The following TECR variants were observed in gnomAD, a reference collection of about 807,000 sequenced individuals.
The protein encoded by TECR is trans-2,3-enoyl-CoA reductase.
A neutral mutation model predicts 50.6 loss-of-function variants in TECR; 19 were observed. That is an observed-to-expected ratio of 0.38 (90% CI 0.26 to 0.55). The LOEUF (loss-of-function observed/expected upper bound fraction) is 0.55. Among genes scored for constraint, TECR ranks in the 20% least tolerant of loss-of-function variants. The pLI is 0.79. For missense variants in TECR, 313 were observed against 408.3 expected (o/e 0.77, Z 2.01); for synonymous variants, 168 against 163.5 (o/e 1.03, Z -0.21).
intron 1 of TECR, chr19:14,530,901 A>T (rs1346929498): frequency 6.6e-6 from 1 of 152,212 alleles, no homozygotes; most frequent in African/African-American, 2.4e-5. Context: ...TGCATCTTGG[A>T]AAACAGAAGC....
chr19:14,547,948 G>A (rs1274521160), intron 1 of TECR, among the ~76,000 whole-genome samples: 1 of 147,926 alleles, frequency 6.8e-6, no homozygotes, highest in Non-Finnish European at 1.5e-5. Context: ...CCATGTGTGT[G>A]TTTAATGGGC....
intron 1 of TECR, among the ~76,000 whole-genome samples, chr19:14,554,139 C>T (rs2073637705): frequency 6.6e-6 from 1 of 152,142 alleles, no homozygotes; most frequent in African/African-American, 2.4e-5. Flanking sequence ...CTTCTGGGCT[C>T]TGGGATTTAC....
upstream of TECR, chr19:14,527,911 G>A (rs371367137): frequency 4.6e-5 from 7 of 150,866 alleles, no homozygotes; most frequent in African/African-American, 1.5e-4. Context: ...TTTTTTTTGA[G>A]ACAGAATCTC....
chr19:14,563,375 C>A lies in TECR; in HGVS notation c.118+118C>A. The A allele has an allele frequency of 9.3e-7, 1 of 1,070,302 alleles. No individual in the cohort carries two copies. The highest frequency in any genetic ancestry group is 1.4e-6 in the Non-Finnish European group (1 of 705,766). 66.3% of individuals were successfully genotyped at this position (1,070,302 alleles called of 1,614,324 possible). On this transcript the variant is annotated intron_variant, in intron 3 of 12. Coordinates refer to ENST00000215567, the MANE Select transcript of TECR (RefSeq NM_138501.6). This position sits in a 1 kb window ranked among gnomAD's most constrained non-coding sequence, Gnocchi z 5.3. ...GGCCTGCAGAGATGCCCCAGTGTGGCCCAGGCTTCTGGGGCGTGACTGGGG... is the reference window on the plus strand; with the variant it reads ...GGCCTGCAGAGATGCCCCAGTGTGGACCAGGCTTCTGGGGCGTGACTGGGG...
chr19:14,535,537 A>T lies in TECR; in HGVS notation c.15+5826A>T, dbSNP rs1216466729. ...AAAAAAAAAAAAAAAAAAAAAAAAA[A>T]AAAAAAATATATATATATATATATA... On this transcript the variant is annotated intron_variant, in intron 1 of 12. Transcript: ENST00000215567. 6.4e-3 allele frequency among the ~76,000 whole-genome samples: 303 copies of T among 47,376 alleles called. 21 individuals are homozygous for T. The highest frequency in any genetic ancestry group is 0.026 in the African/African-American group (253 of 9,614). 31.1% of individuals were successfully genotyped at this position (47,376 alleles called of 152,430 possible). A position where few individuals can be genotyped will look rare whatever the true frequency, so the allele number is the denominator to read the frequency against.
At chr19:14,545,392 T>TGGCCCTCTG (rs1555732427) in intron 1 of TECR, among the ~76,000 whole-genome samples, 2,522 of 152,342 alleles carry the variant, frequency 0.017, 49 homozygotes, top group South Asian at 0.082. Flanking sequence ...ACACCCACTG[T>TGGCCCTCTG]GGCCCTCTGG....
rs376016848 is a variant in TECR at position 14,529,654 on chromosome 19, G to A, written c.-43G>A. 1.7e-5 allele frequency: 28 copies of A among 1,613,742 alleles called. No individual in the cohort carries two copies. Among genetic ancestry groups the A allele is most frequent in the African/African-American group, 1.2e-4 (9 of 74,956 alleles). On this transcript the variant is annotated 5_prime_UTR_variant, in exon 1 of 13. Transcript: ENST00000215567. ...GAGCCTGTGCTGTGCCGCGCAGTTA[G>A]GCAGCAGCAGCCGCGGAGCAGTAGC...
intron 2 of TECR, 147 bp downstream of exon 2, chr19:14,562,722 A>T: frequency 7.8e-6 from 7 of 902,640 alleles, no homozygotes; most frequent in Non-Finnish European, 1.1e-5. Context: ...TAGGGTGGAT[A>T]GCCATGTCCC....
At position 14,564,625 on chromosome 19, in the gene TECR, C is replaced by T. The variant is rs1209198916; in HGVS notation, c.490-161C>T. 28 of 746,008 alleles carry T rather than the reference C, an allele frequency of 3.8e-5. No individual in the cohort carries two copies. The African/African-American group carries it at 4.0e-4, about 11-fold the overall frequency. The allele number at this position is 746,008 out of a possible 1,614,324, so 46.2% of individuals were successfully genotyped here. A position where few individuals can be genotyped will look rare whatever the true frequency, so the allele number is the denominator to read the frequency against. On this transcript the variant is annotated intron_variant, in intron 7 of 12. Coordinates refer to ENST00000215567, the MANE Select transcript of TECR (RefSeq NM_138501.6). ...CCACCACGCCCTCACAGAGCCCTGC[C>T]CTAGCCTCACCCCTTGGCCCCGCCT...
At chr19:14,539,442 G>A (rs901491740) in intron 1 of TECR, among the ~76,000 whole-genome samples, 1 of 152,046 alleles carries the variant, frequency 6.6e-6, no homozygotes, top group Admixed American at 6.6e-5. Context: ...TGGCCACCAG[G>A]TGCCTGTCAC....
intron 1 of TECR, among the ~76,000 whole-genome samples, chr19:14,537,795 G>A (rs1310429122): frequency 6.8e-6 from 1 of 146,162 alleles, no homozygotes; most frequent in Non-Finnish European, 1.5e-5. Context: ...CCCCTAGGCT[G>A]GGGTGCAATG....
intron 1 of TECR, among the ~76,000 whole-genome samples, chr19:14,560,172 C>T (rs1304902330): frequency 9.8e-5 from 15 of 152,348 alleles, no homozygotes; most frequent in East Asian, 1.9e-4. Context: ...GCCGGGACCC[C>T]GATGGCCGTA....
chr19:14,559,416 CT>C (rs1183964066), intron 1 of TECR, among the ~76,000 whole-genome samples: 1 of 152,096 alleles, frequency 6.6e-6, no homozygotes, highest in East Asian at 1.9e-4. Flanking sequence ...GATATGGGAC[CT>C]TTGTGTCTGG....
At chr19:14,545,127 C>G (rs1368369062) in intron 1 of TECR, 4 of 456,618 alleles carry the variant, frequency 8.8e-6, no homozygotes, top group African/African-American at 8.0e-5. Flanking sequence ...AGAGATGATT[C>G]TTCAAGAAAC....
At position 14,542,625 on chromosome 19, in the gene TECR, G is replaced by A. The variant is rs375765594; in HGVS notation, c.15+12914G>A. ...GATCTACACGCTTTGGCCTCCCAAA[G>A]TGTTGGGATTAGAGGCATTGAGGCA... On this transcript the variant is annotated intron_variant, in intron 1 of 12. Transcript: ENST00000215567. 1.0e-3 allele frequency among the ~76,000 whole-genome samples: 152 copies of A among 152,226 alleles called. 4 individuals carry two copies. In the South Asian group the frequency reaches 0.03, roughly 30 times the overall value.
chr19:14,551,777 G>A (rs940625606), intron 1 of TECR, among the ~76,000 whole-genome samples: 4 of 152,096 alleles, frequency 2.6e-5, no homozygotes, highest in Admixed American at 6.5e-5. Context: ...AGTTCTTGGT[G>A]TCTGCTGGAG....
intron 2 of TECR, among the ~76,000 whole-genome samples, chr19:14,562,780 C>T (rs1002013234): frequency 1.7e-4 from 26 of 152,134 alleles, no homozygotes; most frequent in African/African-American, 5.5e-4. Flanking sequence ...GTGGACCCTG[C>T]GGGGATTTTG....
chr19:14,529,862 A>G (rs2072555786), intron 1 of TECR, 151 bp downstream of exon 1: 3 of 1,066,506 alleles, frequency 2.8e-6, no homozygotes. Flanking sequence ...GCCCCGGGCC[A>G]CTCGTAAATT....
At chr19:14,534,348 T>A (rs2072784579) in intron 1 of TECR, among the ~76,000 whole-genome samples, 1 of 147,006 alleles carries the variant, frequency 6.8e-6, no homozygotes, top group Admixed American at 6.9e-5. Flanking sequence ...ATGGTCTCGA[T>A]CTCCTGACCT....
Sources: allele counts gnomAD v4.1 joint callset (sites outside exome capture counted in the v4.1 genomes callset), GRCh38; gene constraint gnomAD v4.1.1; non-coding constraint Gnocchi (gnomAD v3.1); transcripts MANE v1.5; gene names NCBI Gene and HGNC (gene_info 2026-07-23, HGNC 2026-07-21).